Variants in SLC12A5 observed in about 807,000 individuals in gnomAD.
The protein encoded by SLC12A5 is K-Cl cotransporter 2.
In SLC12A5, 18 loss-of-function variants were observed where a neutral mutation model predicts 124.0. That is an observed-to-expected ratio of 0.15 (90% CI 0.10 to 0.22). The LOEUF (loss-of-function observed/expected upper bound fraction) is 0.22, where lower values mean the gene tolerates loss of function less well. SLC12A5 is among the 10% of genes least tolerant of loss of function. The pLI, the probability that SLC12A5 is intolerant of heterozygous loss-of-function variation, is 1.00. For missense variants in SLC12A5, 867 were observed against 1,478.7 expected (o/e 0.59, Z 6.78); for synonymous variants, 589 against 568.0 (o/e 1.04, Z -0.53).
At chr20:46,054,854 C>G (rs1182848226) in intron 20 of SLC12A5, 62 bp from the exon 21 acceptor site, 3 of 1,251,236 alleles carry the variant, frequency 2.4e-6, no homozygotes, top group Non-Finnish European at 3.5e-6. Context: ...TGGGCTCAGA[C>G]CTCATGCTTT....
chr20:46,049,083 C>T (rs947518179), intron 16 of SLC12A5, among the ~76,000 whole-genome samples: 2 of 152,146 alleles, frequency 1.3e-5, no homozygotes, highest in Admixed American at 6.5e-5. Context: ...GCCCAGTTGA[C>T]TAAACTGGGC....
intron 21 of SLC12A5, chr20:46,055,732 C>G (rs764592931): frequency 2.0e-5 from 4 of 201,540 alleles, no homozygotes; most frequent in Non-Finnish European, 4.1e-5. Flanking sequence ...ATGTATTTAT[C>G]AGAATGTGGT....
chr20:46,030,144 G>A (rs1282980830), intron 1 of SLC12A5, among the ~76,000 whole-genome samples: 1 of 152,084 alleles, frequency 6.6e-6, no homozygotes, highest in Non-Finnish European at 1.5e-5. Context: ...TTCCTATTCA[G>A]GACGGGAAGC....
At position 46,058,568 on chromosome 20, in the gene SLC12A5, GGCCCGCGCCCCACCGAGGAA is replaced by G. The variant is rs2084719017; in HGVS notation, c.*968_*987del. The G allele has an allele frequency of 2.5e-6, 1 of 399,064 alleles. No individual in the cohort carries two copies. The highest frequency in any genetic ancestry group is 2.1e-5 in the African/African-American group (1 of 48,650). The allele number at this position is 399,064 out of a possible 1,614,324, so 24.7% of individuals were successfully genotyped here. On this transcript the variant is annotated 3_prime_UTR_variant, in exon 26 of 26. Coordinates refer to ENST00000243964, the MANE Select transcript of SLC12A5 (RefSeq NM_020708.5). This position sits in a 1 kb window ranked among gnomAD's most constrained non-coding sequence, Gnocchi z 5.8. ...GCTCCTCAAGAGGAAGAAACCGAGA[GGCCCGCGCCCCACCGAGGAA>G]GCCCCGCCCCGGTGCCTTCGCTGGG...
At chr20:46,041,583 G>A (rs747042473) in intron 8 of SLC12A5, 43 bp downstream of exon 8, 1 of 1,604,634 alleles carries the variant, frequency 6.2e-7, no homozygotes, top group Non-Finnish European at 8.5e-7. Flanking sequence ...AACGCTGCAG[G>A]GATTGTAGGT....
At chr20:46,021,826 C>G, upstream of SLC12A5, 1 of 1,534,448 alleles carries the variant, frequency 6.5e-7, no homozygotes, top group Non-Finnish European at 8.7e-7. Flanking sequence ...AAGCCCTGAC[C>G]CAGAGTCCCG....
At chr20:46,041,624 G>A in intron 8 of SLC12A5, 84 bp downstream of exon 8, 1 of 1,420,678 alleles carries the variant, frequency 7.0e-7, no homozygotes, top group Non-Finnish European at 9.8e-7. Flanking sequence ...GCCCTCCTTG[G>A]GATTCAGCTA....
Position 46,045,220 on chromosome 20 carries a change from C to A in SLC12A5, c.1569+80C>A. 1 of 1,461,636 alleles carries A rather than the reference C, an allele frequency of 6.8e-7. No homozygotes were observed. Among genetic ancestry groups the A allele is most frequent in the Non-Finnish European group, 9.1e-7 (1 of 1,100,684 alleles). 90.5% of individuals were successfully genotyped at this position (1,461,636 alleles called of 1,614,324 possible). On this transcript the variant is annotated intron_variant, in intron 12 of 25. Transcript: ENST00000243964. The surrounding 1 kb of genome is among the most constrained non-coding windows in gnomAD (Gnocchi z 4.9). ...AGAGAGACCACACAGTGACCCAGGG[C>A]CATAACCAGCCTTAGACTACCTCCT... is the stretch of plus-strand genomic sequence containing the variant.
rs753669647 is a variant in SLC12A5 at position 46,057,322 on chromosome 20, TG to T, written c.3259+24del. Reference sequence around the variant, plus strand: ...GAAAACTGTATCCTGGAATTAAAATTGGGGGAAAGAGGGAGGTGGACGTCAG... The same window carrying T: ...GAAAACTGTATCCTGGAATTAAAATTGGGGAAAGAGGGAGGTGGACGTCAG... On this transcript the variant is annotated intron_variant, in intron 25 of 25. Transcript: ENST00000243964. This position sits in a 1 kb window ranked among gnomAD's most constrained non-coding sequence, Gnocchi z 7.1. The T allele has an allele frequency of 6.2e-7, 1 of 1,613,594 alleles. No homozygotes were observed. Among genetic ancestry groups the T allele is most frequent in the East Asian group, 2.2e-5 (1 of 44,856 alleles).
At chr20:46,030,279 G>A (rs376504150) in intron 1 of SLC12A5, among the ~76,000 whole-genome samples, 1 of 152,178 alleles carries the variant, frequency 6.6e-6, no homozygotes, top group South Asian at 2.1e-4. Context: ...TCAGAAATGG[G>A]GTCCCAGTGG....
In SLC12A5 at chr20:46,047,973, G is replaced by T; in HGVS notation, c.1908-8G>T. Reference sequence around the variant, plus strand: ...CTGCTCTCATGTGATCCACTTCCCGGCTCCCAGGGCAGAGAAGGAGTGGGG... The same window carrying T: ...CTGCTCTCATGTGATCCACTTCCCGTCTCCCAGGGCAGAGAAGGAGTGGGG... On this transcript the variant is annotated splice_polypyrimidine_tract_variant and splice_region_variant and intron_variant, in intron 15 of 25. Coordinates refer to ENST00000243964, the MANE Select transcript of SLC12A5 (RefSeq NM_020708.5). 1 of 1,604,152 alleles carries T rather than the reference G, an allele frequency of 6.2e-7. No individual in the cohort carries two copies. Among genetic ancestry groups the T allele is most frequent in the Non-Finnish European group, 8.5e-7 (1 of 1,175,122 alleles).
At chr20:46,034,872 G>A in intron 1 of SLC12A5, 76 bp from the exon 2 acceptor site, 1 of 1,328,306 alleles carries the variant, frequency 7.5e-7, no homozygotes. Flanking sequence ...GGGCTACTGT[G>A]GCTACACCAC....
chr20:46,028,533 G>A (rs1013522740), upstream of SLC12A5, among the ~76,000 whole-genome samples: 4 of 152,146 alleles, frequency 2.6e-5, no homozygotes, highest in Admixed American at 6.5e-5. Flanking sequence ...CTTCTCAGGC[G>A]CTACCCCACC....
At chr20:46,030,242 A>G (rs1391126154) in intron 1 of SLC12A5, among the ~76,000 whole-genome samples, 1 of 151,706 alleles carries the variant, frequency 6.6e-6, no homozygotes, top group Non-Finnish European at 1.5e-5. Context: ...CTTTTTAGTT[A>G]GCTCTGCTAG....
Position 46,037,310 on chromosome 20 carries a change from C to A in SLC12A5, c.537C>A (p.Ala179=). The change falls in exon 6 of 26, where the codon GCC becomes GCA. Residue 179 remains alanine (A), a synonymous_variant. Transcript: ENST00000243964. ...SRSLGPEFGG[A]VGLCFYLGTT... is the part of the protein sequence containing the mutation. ...CTCTGGGCCCAGAGTTTGGGGGTGC[C>A]GTGGGCCTCTGCTTCTACCTGGGCA... The A allele has an allele frequency of 1.2e-6, 2 of 1,612,794 alleles. No homozygotes were observed. Among genetic ancestry groups the A allele is most frequent in the South Asian group, 1.1e-5 (1 of 90,980 alleles).
downstream of SLC12A5, among the ~76,000 whole-genome samples, chr20:46,024,168 TGTC>T (rs1392680227): frequency 1.3e-5 from 2 of 151,026 alleles, no homozygotes; most frequent in African/African-American, 2.4e-5. Flanking sequence ...TGTGTGTGTG[TGTC>T]TTGTGGGAGG....
chr20:46,027,287 G>T (rs1353830648), upstream of SLC12A5, among the ~76,000 whole-genome samples: 1 of 152,168 alleles, frequency 6.6e-6, no homozygotes, highest in South Asian at 2.1e-4. Flanking sequence ...CACCCTGAAA[G>T]GTCCTTTGGG....
chr20:46,056,593 G>T lies in SLC12A5; in HGVS notation c.3110+29G>T. ...CGGGCCTGGGGGCTAAGGGCTGGGG[G>T]CTGGGGTGAGCTAAAGGGTCTTGCT... On this transcript the variant is annotated intron_variant, in intron 23 of 25. Transcript: ENST00000243964. The surrounding 1 kb of genome is among the most constrained non-coding windows in gnomAD (Gnocchi z 4.3). The T allele has an allele frequency of 1.9e-6, 3 of 1,599,206 alleles. No homozygotes were observed. The highest frequency in any genetic ancestry group is 2.6e-6 in the Non-Finnish European group (3 of 1,171,840).
At chr20:46,027,570 C>T (rs1367098704), upstream of SLC12A5, 4 of 152,234 alleles carry the variant, frequency 2.6e-5, no homozygotes, top group East Asian at 5.8e-4. Flanking sequence ...CATTCTAGCC[C>T]TGCACCTCTG....
Sources: allele counts gnomAD v4.1 joint callset (sites outside exome capture counted in the v4.1 genomes callset), GRCh38; gene constraint gnomAD v4.1.1; non-coding constraint Gnocchi (gnomAD v3.1); transcripts MANE v1.5; gene names NCBI Gene and HGNC (gene_info 2026-07-23, HGNC 2026-07-21).